SLC16A10: variants seen among roughly 807,000 people sequenced by gnomAD.
SLC16A10 encodes solute carrier family 16 member 10.
In SLC16A10, 27 loss-of-function variants were observed where a neutral mutation model predicts 40.0. The observed-to-expected ratio is 0.67, with a 90% CI of 0.50 to 0.93. SLC16A10 has a LOEUF of 0.93. SLC16A10 is among the 40% of genes least tolerant of loss of function. The pLI is 0.00. For missense variants in SLC16A10, 529 were observed against 658.2 expected, an observed-to-expected ratio of 0.80 and a Z score of 2.15; for synonymous variants, 213 against 249.8, an observed-to-expected ratio of 0.85 and a Z score of 1.39.
At position 111,190,106 on chromosome 6, in the gene SLC16A10, T is replaced by C. The variant is rs528887905; in HGVS notation, c.942+12441T>C. 2.6e-5 allele frequency among the ~76,000 whole-genome samples: 4 copies of C among 152,252 alleles called. No individual in the cohort carries two copies. In the East Asian group the frequency reaches 7.7e-4, roughly 29 times the overall value. On this transcript the variant is annotated intron_variant, in intron 3 of 5. Transcript: ENST00000368851. The stretch of plus-strand genomic sequence containing the variant: ...CTAGATACAATAGGGGTACATGCAT[T>C]GGGTAAATACACCCATTCCAAATGG...
intron 1 of SLC16A10, among the ~76,000 whole-genome samples, chr6:111,160,758 AC>A (rs1231590193): frequency 4.0e-5 from 6 of 151,866 alleles, no homozygotes; most frequent in African/African-American, 1.5e-4. Context: ...GTGCTCCCTC[AC>A]CCCCACAGTC....
intron 1 of SLC16A10, among the ~76,000 whole-genome samples, chr6:111,090,568 G>C (rs1770957103): frequency 6.6e-6 from 1 of 152,168 alleles, no homozygotes; most frequent in East Asian, 1.9e-4. Flanking sequence ...TAGTCTTTAA[G>C]CCAGTTATTG....
intron 1 of SLC16A10, among the ~76,000 whole-genome samples, chr6:111,160,775 G>C (rs1024460832): frequency 6.6e-5 from 10 of 152,172 alleles, no homozygotes; most frequent in Non-Finnish European, 5.9e-5. Context: ...CAGTCAGGTG[G>C]TTTTTCTCTC....
rs750713853 is a variant in SLC16A10, at chr6:111,206,692, G to A, written c.1043G>A (p.Arg348Gln). 1.2e-5 allele frequency: 19 copies of A among 1,614,110 alleles called. No homozygotes were observed. Among genetic ancestry groups the A allele is most frequent in the Admixed American group, 1.7e-5 (1 of 60,010 alleles). ...TSGVGRLLFG[R>Q]IADYVPGVKK... is the part of the protein sequence containing the mutation. The stretch of plus-strand genomic sequence containing the variant: ...GGAGTTGGACGACTGCTCTTTGGCC[G>A]GATTGCAGATTATGTGCCTGGTGTG... Residue 348 changes from arginine to glutamine, a missense_variant, in exon 4 of 6, where the codon CGG becomes CAG. Transcript: ENST00000368851.
Position 111,230,607 on chromosome 6 carries a change from A to G in SLC16A10, c.*8372A>G, listed in dbSNP as rs1771097432. ...TGTAAGATTGTAGAGGCATTGCACA[A>G]TGCTTGATAAAAGTTGCATTTTGCT... On this transcript the variant is annotated 3_prime_UTR_variant, in exon 6 of 6. Coordinates refer to ENST00000368851, the MANE Select transcript of SLC16A10 (RefSeq NM_018593.5). 1 of 152,168 alleles carries G rather than the reference A, an allele frequency of 6.6e-6. No individual in the cohort carries two copies. Among genetic ancestry groups the G allele is most frequent in the South Asian group, 2.1e-4 (1 of 4,826 alleles). 9.4% of individuals were successfully genotyped at this position (152,168 alleles called of 1,614,324 possible).
intron 4 of SLC16A10, among the ~76,000 whole-genome samples, chr6:111,216,133 G>C (rs927816960): frequency 2.6e-5 from 4 of 152,108 alleles, no homozygotes; most frequent in Non-Finnish European, 4.4e-5. Context: ...TAAATGGGAA[G>C]TATCAGGAAG....
chr6:111,106,912 A>G (rs1318896368), intron 1 of SLC16A10, among the ~76,000 whole-genome samples: 2 of 152,208 alleles, frequency 1.3e-5, no homozygotes, highest in African/African-American at 2.4e-5. Context: ...AGCTGCCTTC[A>G]TAGTTAAATG....
Position 111,092,315 on chromosome 6 carries a change from G to GTTTTT in SLC16A10, c.343+4238_343+4242dup, listed in dbSNP as rs1173275647. 2.2e-3 allele frequency among the ~76,000 whole-genome samples: 213 copies of GTTTTT among 98,550 alleles called. 4 individuals are homozygous for GTTTTT. The highest frequency in any genetic ancestry group is 4.7e-3 in the African/African-American group (115 of 24,472). 64.7% of individuals were successfully genotyped at this position (98,550 alleles called of 152,430 possible). On this transcript the variant is annotated intron_variant, in intron 1 of 5. Transcript: ENST00000368851. Reference sequence around the variant, plus strand: ...AGCTTGAGTTGTCTCTTTTTTTGTTGTTTTTTTTTTTTTTTTTTTTTTGAG... The same window carrying GTTTTT: ...AGCTTGAGTTGTCTCTTTTTTTGTTGTTTTTTTTTTTTTTTTTTTTTTTTTTTGAG...
chr6:111,214,915 C>G (rs1204223218), intron 4 of SLC16A10, among the ~76,000 whole-genome samples: 1 of 151,896 alleles, frequency 6.6e-6, no homozygotes, highest in Non-Finnish European at 1.5e-5. Context: ...GTCAAGAGAT[C>G]AAGACCATCC....
At chr6:111,142,548 T>C (rs977914517) in intron 1 of SLC16A10, among the ~76,000 whole-genome samples, 11 of 152,216 alleles carry the variant, frequency 7.2e-5, no homozygotes, top group Non-Finnish European at 4.4e-5. Context: ...AACCTGATTT[T>C]AAAATGTGCC....
chr6:111,204,499 G>A (rs1773223808), intron 3 of SLC16A10, among the ~76,000 whole-genome samples: 1 of 152,152 alleles, frequency 6.6e-6, no homozygotes, highest in Non-Finnish European at 1.5e-5. Context: ...GAATACCTCA[G>A]GTGCCAAATG....
At chr6:111,090,129 T>C (rs534211403) in intron 1 of SLC16A10, among the ~76,000 whole-genome samples, 7 of 152,120 alleles carry the variant, frequency 4.6e-5, no homozygotes, top group South Asian at 2.1e-4. Flanking sequence ...TGTGGAACTT[T>C]GTGTTTTCCA....
At position 111,178,419 on chromosome 6, in the gene SLC16A10, T is replaced by C. The variant is rs781243924; in HGVS notation, c.942+754T>C. ...TTTCAAAGGCAAAATTCAGCTTTGT[T>C]ATACTGAAATACGAATAATTAATGT... On this transcript the variant is annotated intron_variant, in intron 3 of 5. Transcript: ENST00000368851. The C allele has an allele frequency of 9.4e-6, 5 of 532,684 alleles. No homozygotes were observed. The African/African-American group carries it at 9.6e-5, about 10-fold the overall frequency. 33.0% of individuals were successfully genotyped at this position (532,684 alleles called of 1,614,324 possible). A position where few individuals can be genotyped will look rare whatever the true frequency, so the allele number is the denominator to read the frequency against.
At chr6:111,104,265 G>A (rs943405456) in intron 1 of SLC16A10, among the ~76,000 whole-genome samples, 11 of 152,168 alleles carry the variant, frequency 7.2e-5, no homozygotes, top group African/African-American at 2.4e-4. Context: ...GGTTGCAGAG[G>A]CAAGAAATAG....
chr6:111,198,142 C>A (rs1216617315), intron 3 of SLC16A10, among the ~76,000 whole-genome samples: 1 of 152,028 alleles, frequency 6.6e-6, no homozygotes, highest in Non-Finnish European at 1.5e-5. Flanking sequence ...CAAAAACTAG[C>A]TGGGCATGGT....
intron 1 of SLC16A10, among the ~76,000 whole-genome samples, chr6:111,147,777 T>C (rs562130406): frequency 6.6e-6 from 1 of 152,290 alleles, no homozygotes; most frequent in East Asian, 1.9e-4. Context: ...CCCTTTTTGT[T>C]TTGTGGACAT....
chr6:111,140,866 A>G (rs1583323884), intron 1 of SLC16A10, among the ~76,000 whole-genome samples: 1 of 152,080 alleles, frequency 6.6e-6, no homozygotes, highest in Non-Finnish European at 1.5e-5. Flanking sequence ...GTTCACTGCA[A>G]CCTCAACTTC....
At chr6:111,166,686 A>G (rs545049262) in intron 1 of SLC16A10, among the ~76,000 whole-genome samples, 11 of 152,250 alleles carry the variant, frequency 7.2e-5, no homozygotes, top group Non-Finnish European at 1.0e-4. Context: ...AGTCATTTAC[A>G]TCGGCATAAT....
intron 1 of SLC16A10, among the ~76,000 whole-genome samples, chr6:111,144,756 A>G (rs891838894): frequency 6.6e-6 from 1 of 152,260 alleles, no homozygotes; most frequent in Non-Finnish European, 1.5e-5. Context: ...CCATATGTCA[A>G]GATTTCTTGT....
Sources: gnomAD v4.1 joint callset for allele counts (sites outside exome capture counted in the v4.1 genomes callset) on GRCh38, gnomAD v4.1.1 for gene constraint, MANE v1.5 for transcripts, NCBI Gene and HGNC (gene_info 2026-07-23, HGNC 2026-07-21) for gene names.